The following WHR1 variants were observed in gnomAD, a reference collection of about 807,000 sequenced individuals.
WHR1 encodes winged helix repair factor 1.
the WHR1 span, chr6:31,971,850 T>G: frequency 7.3e-7 from 1 of 1,374,828 alleles, no homozygotes; most frequent in Non-Finnish European, 9.7e-7. This position sits in a 1 kb window ranked among gnomAD's most constrained non-coding sequence, Gnocchi z 4.5. Context: ...TCCTTGCCCT[T>G]CACCCACCCT....
the WHR1 span, chr6:31,971,662 C>T: frequency 6.2e-7 from 1 of 1,605,676 alleles, no homozygotes; most frequent in Non-Finnish European, 8.5e-7. The surrounding 1 kb of genome is among the most constrained non-coding windows in gnomAD (Gnocchi z 4.5). Context: ...TCTCTTGGTC[C>T]CCCTGGGATC....
the WHR1 span, among the ~76,000 whole-genome samples, chr6:31,978,327 G>C: frequency 6.6e-6 from 1 of 151,936 alleles, no homozygotes; most frequent in South Asian, 2.1e-4. Context: ...GGCGGGTGGG[G>C]GGGTCTCACT....
the WHR1 span, among the ~76,000 whole-genome samples, chr6:31,976,929 A>T: frequency 6.6e-6 from 1 of 152,218 alleles, no homozygotes; most frequent in African/African-American, 2.4e-5. Context: ...CTGCAATCGC[A>T]GGCACTCGGC....
At chr6:31,973,805 A>G in the WHR1 span, among the ~76,000 whole-genome samples, 1 of 152,138 alleles carries the variant, frequency 6.6e-6, no homozygotes, top group Non-Finnish European at 1.5e-5. Context: ...AAAAAAATAC[A>G]GGTTCCTGGG....
the WHR1 span, chr6:31,978,918 C>T: frequency 6.2e-7 from 1 of 1,612,666 alleles, no homozygotes; most frequent in Non-Finnish European, 8.5e-7. Flanking sequence ...GCTTCAAGAG[C>T]AGGGGGAGAT....
the WHR1 span, chr6:31,978,997 G>C: frequency 6.2e-7 from 1 of 1,612,318 alleles, no homozygotes; most frequent in Non-Finnish European, 8.5e-7. Flanking sequence ...TACAGGACCA[G>C]AGTATGTGAC....
the WHR1 span, chr6:31,979,042 G>T: frequency 6.3e-7 from 1 of 1,585,644 alleles, no homozygotes; most frequent in Non-Finnish European, 8.6e-7. Context: ...GAGGGCACAG[G>T]TTGGGGGAGA....
At chr6:31,976,543 A>G in the WHR1 span, among the ~76,000 whole-genome samples, 28,574 of 144,588 alleles carry the variant, frequency 0.2, 3,492 homozygotes, top group African/African-American at 0.36. Flanking sequence ...GGGCAGAGAC[A>G]CTCCTCACTT....
At chr6:31,971,940 C>T in the WHR1 span, 1 of 1,551,678 alleles carries the variant, frequency 6.4e-7, no homozygotes, top group Non-Finnish European at 8.7e-7. This position sits in a 1 kb window ranked among gnomAD's most constrained non-coding sequence, Gnocchi z 4.5. Flanking sequence ...TCAAAGCTCC[C>T]CAACTTCCAC....
the WHR1 span, among the ~76,000 whole-genome samples, chr6:31,977,607 C>T: frequency 1.3e-5 from 2 of 151,964 alleles, no homozygotes; most frequent in African/African-American, 2.4e-5. Context: ...TCTCAGCCTG[C>T]CAAAGTGCTG....
the WHR1 span, chr6:31,972,341 C>T: frequency 6.2e-7 from 1 of 1,613,140 alleles, no homozygotes; most frequent in Non-Finnish European, 8.5e-7. The surrounding 1 kb of genome is among the most constrained non-coding windows in gnomAD (Gnocchi z 6.3). Context: ...TGCTCTGCGC[C>T]GGAAGACCCT....
the WHR1 span, among the ~76,000 whole-genome samples, chr6:31,975,368 AT>A: frequency 3.3e-5 from 5 of 151,962 alleles, no homozygotes; most frequent in African/African-American, 1.2e-4. Flanking sequence ...TGCCCAGCTA[AT>A]TTTGGTATTT....
At chr6:31,971,602 G>A in the WHR1 span, 1 of 1,613,518 alleles carries the variant, frequency 6.2e-7, no homozygotes, top group Non-Finnish European at 8.5e-7. The surrounding 1 kb of genome is among the most constrained non-coding windows in gnomAD (Gnocchi z 4.5). Context: ...AGAAGGTGCT[G>A]GACGAGGTAG....
the WHR1 span, chr6:31,979,051 G>T: frequency 6.3e-7 from 1 of 1,575,026 alleles, no homozygotes. Context: ...GGTTGGGGGA[G>T]ACAGGGAACT....
the WHR1 span, among the ~76,000 whole-genome samples, chr6:31,973,942 G>A: frequency 6.6e-6 from 1 of 152,132 alleles, no homozygotes; most frequent in African/African-American, 2.4e-5. Context: ...AGGGAAAGCA[G>A]AAGAAGAGGA....
At chr6:31,971,949 A>G in the WHR1 span, 1 of 1,556,988 alleles carries the variant, frequency 6.4e-7, no homozygotes, top group African/African-American at 1.4e-5. The surrounding 1 kb of genome is among the most constrained non-coding windows in gnomAD (Gnocchi z 4.5). Flanking sequence ...CCCAACTTCC[A>G]CCTCCGCAGA....
the WHR1 span, chr6:31,972,106 A>G: frequency 3.1e-6 from 5 of 1,613,034 alleles, no homozygotes; most frequent in South Asian, 1.1e-5. The surrounding 1 kb of genome is among the most constrained non-coding windows in gnomAD (Gnocchi z 6.3). Context: ...GTTGACACCA[A>G]CGTGGCCACC....
At chr6:31,972,994 C>T in the WHR1 span, 2 of 741,926 alleles carry the variant, frequency 2.7e-6, no homozygotes, top group South Asian at 3.0e-5. The surrounding 1 kb of genome is among the most constrained non-coding windows in gnomAD (Gnocchi z 6.3). Flanking sequence ...GGGCATGGTT[C>T]GAACATACAG....
the WHR1 span, chr6:31,971,377 TG>T: frequency 6.3e-7 from 1 of 1,576,264 alleles, no homozygotes; most frequent in Non-Finnish European, 8.6e-7. This position sits in a 1 kb window ranked among gnomAD's most constrained non-coding sequence, Gnocchi z 4.5. Flanking sequence ...CAGCCTTTCC[TG>T]GACCTCCTCG....
Sources: gnomAD v4.1 joint callset for allele counts (sites outside exome capture counted in the v4.1 genomes callset) on GRCh38, gnomAD v4.1.1 for gene constraint, Gnocchi (gnomAD v3.1) non-coding constraint, MANE v1.5 for transcripts, NCBI Gene and HGNC (gene_info 2026-07-23, HGNC 2026-07-21) for gene names.